BICC1: variants seen among roughly 807,000 people sequenced by gnomAD.
BICC1 encodes BicC family RNA binding protein 1.
In BICC1, 43 loss-of-function variants were observed where a neutral mutation model predicts 111.0. The ratio of observed to expected loss-of-function variants is 0.39; its 90% CI spans 0.30 to 0.50. The LOEUF (loss-of-function observed/expected upper bound fraction) is 0.50. Ranked by LOEUF, BICC1 falls within the 20% of genes least tolerant of loss-of-function variation. The pLI is 0.88. For synonymous variants in BICC1, 467 were observed against 434.4 expected (o/e 1.07, Z -0.93); for missense variants, 1,091 against 1,203.2 (o/e 0.91, Z 1.38).
chr10:58,591,804 A>G (rs7075265), intron 1 of BICC1, among the ~76,000 whole-genome samples: 115,622 of 152,156 alleles, frequency 0.76, 44,552 homozygotes, highest in East Asian at 0.98. Flanking sequence ...TCAGCTTTTT[A>G]TAATTTACAT....
intron 1 of BICC1, among the ~76,000 whole-genome samples, chr10:58,551,872 T>TA (rs1167704292): frequency 6.6e-6 from 1 of 152,092 alleles, no homozygotes; most frequent in East Asian, 1.9e-4. Context: ...AGGAAAGTAA[T>TA]ACAGATGTTT....
At chr10:58,637,033 T>G (rs1837973294) in intron 2 of BICC1, among the ~76,000 whole-genome samples, 2 of 152,192 alleles carry the variant, frequency 1.3e-5, no homozygotes, top group Non-Finnish European at 2.9e-5. Flanking sequence ...CACACAGTTC[T>G]ATAATATTTT....
intron 3 of BICC1, chr10:58,715,612 G>A: frequency 1.2e-6 from 2 of 1,605,494 alleles, no homozygotes; most frequent in South Asian, 2.2e-5. Context: ...GCGAGATCAA[G>A]GGGTCCAATC....
At chr10:58,590,621 A>G (rs1003919880) in intron 1 of BICC1, among the ~76,000 whole-genome samples, 4 of 152,154 alleles carry the variant, frequency 2.6e-5, no homozygotes, top group African/African-American at 9.7e-5. Flanking sequence ...TTTATTTGAA[A>G]GACAGAAGCT....
chr10:58,820,997 A>G lies in BICC1; in HGVS notation c.2794+529A>G, dbSNP rs577716440. ...AGGACATAGTATCCTGAAGATAGTCACAGAATGAAGGAAAATAATGTCTGT... is the reference window on the plus strand; with the variant it reads ...AGGACATAGTATCCTGAAGATAGTCGCAGAATGAAGGAAAATAATGTCTGT... On this transcript the variant is annotated intron_variant, in intron 20 of 20. Coordinates refer to ENST00000373886, the MANE Select transcript of BICC1 (RefSeq NM_001080512.3). Among the ~76,000 whole-genome samples the G allele has an allele frequency of 7.2e-5, 11 of 152,248 alleles. No homozygotes were observed. The South Asian group carries it at 2.3e-3, about 32-fold the overall frequency.
chr10:58,573,499 A>G (rs939524987), intron 1 of BICC1, among the ~76,000 whole-genome samples: 5 of 152,140 alleles, frequency 3.3e-5, no homozygotes, highest in African/African-American at 1.2e-4. Flanking sequence ...AACCAATTTG[A>G]TGGATTATAA....
At chr10:58,643,586 A>C (rs1003781263) in intron 2 of BICC1, among the ~76,000 whole-genome samples, 1 of 152,244 alleles carries the variant, frequency 6.6e-6, no homozygotes, top group African/African-American at 2.4e-5. Context: ...AAGGGGTTTG[A>C]AGTGGCTTAA....
At chr10:58,617,115 A>C (rs751521006) in intron 1 of BICC1, among the ~76,000 whole-genome samples, 4 of 152,250 alleles carry the variant, frequency 2.6e-5, no homozygotes, top group Non-Finnish European at 5.9e-5. Context: ...TTTGGTCCCA[A>C]CTGTGGAAAG....
chr10:58,584,755 T>C lies in BICC1; in HGVS notation c.191-36100T>C, dbSNP rs1289427911. ...TGAAACTAGGAAACACCTGGGTAAA[T>C]TGGGATGAGTTCATTAGTGTATTGC... is the stretch of plus-strand genomic sequence containing the variant. On this transcript the variant is annotated intron_variant, in intron 1 of 20. Coordinates refer to ENST00000373886, the MANE Select transcript of BICC1 (RefSeq NM_001080512.3). 8.5e-5 allele frequency among the ~76,000 whole-genome samples: 13 copies of C among 152,068 alleles called. No homozygotes were observed. In the East Asian group the frequency reaches 1.7e-3, roughly 20 times the overall value.
chr10:58,599,909 C>T (rs1439434121), intron 1 of BICC1, among the ~76,000 whole-genome samples: 1 of 144,346 alleles, frequency 6.9e-6, no homozygotes, highest in Non-Finnish European at 1.5e-5. Flanking sequence ...AATTGTCTTT[C>T]ACAAAATCTA....
intron 2 of BICC1, among the ~76,000 whole-genome samples, chr10:58,646,970 G>GA (rs1308637942): frequency 6.6e-6 from 1 of 151,724 alleles, no homozygotes. Flanking sequence ...CTTATAGAAA[G>GA]AAAAAAATTA....
chr10:58,761,080 A>G (rs1730535739), intron 3 of BICC1, among the ~76,000 whole-genome samples: 1 of 151,906 alleles, frequency 6.6e-6, no homozygotes, highest in East Asian at 1.9e-4. Context: ...CTGGTCTTGA[A>G]CTCCTGGACT....
intron 3 of BICC1, among the ~76,000 whole-genome samples, chr10:58,764,083 T>A (rs371371545): frequency 6.6e-6 from 1 of 152,136 alleles, no homozygotes; most frequent in East Asian, 1.9e-4. Context: ...TACTTACACT[T>A]AAAATGAAAT....
chr10:58,818,511 T>C (rs1844165019), intron 19 of BICC1, among the ~76,000 whole-genome samples: 1 of 152,196 alleles, frequency 6.6e-6, no homozygotes, highest in Non-Finnish European at 1.5e-5. Flanking sequence ...ATTTAGTCAG[T>C]AATTTCTAGG....
intron 1 of BICC1, among the ~76,000 whole-genome samples, chr10:58,556,524 G>T (rs1044393919): frequency 5.9e-5 from 9 of 152,030 alleles, no homozygotes; most frequent in African/African-American, 1.2e-4. Flanking sequence ...GCCAGATTTT[G>T]CCCTTAAAAG....
In BICC1 at chr10:58,546,795, A is replaced by C. The variant is rs759060984; in HGVS notation, c.190+33462A>C. On this transcript the variant is annotated intron_variant, in intron 1 of 20. Coordinates refer to ENST00000373886, the MANE Select transcript of BICC1 (RefSeq NM_001080512.3). ...AATACTTAAGAAAAAAATCAATATT[A>C]AAGTATCAGTTTTGCAATCCAGAGG... Among the ~76,000 whole-genome samples, 7 of 152,228 alleles carry C rather than the reference A, an allele frequency of 4.6e-5. No homozygotes were observed. In the South Asian group the frequency reaches 1.4e-3, roughly 31 times the overall value.
intron 1 of BICC1, among the ~76,000 whole-genome samples, chr10:58,575,177 C>T (rs1416138149): frequency 2.6e-5 from 4 of 152,030 alleles, no homozygotes; most frequent in African/African-American, 9.7e-5. Flanking sequence ...GCTCTTCCCT[C>T]CTGTTGTCCC....
chr10:58,725,093 C>T lies in BICC1; in HGVS notation c.307+22950C>T, dbSNP rs554716837. ...TGATTTTGGGAGACTTTTATCTAGA[C>T]ATTTCTGCCTTGTTTAACGTGTGGC... is the stretch of plus-strand genomic sequence containing the variant. On this transcript the variant is annotated intron_variant, in intron 3 of 20. Coordinates refer to ENST00000373886, the MANE Select transcript of BICC1 (RefSeq NM_001080512.3). Among the ~76,000 whole-genome samples, 69 of 152,276 alleles carry T rather than the reference C, an allele frequency of 4.5e-4. 1 individual carries two copies. The South Asian group carries it at 0.013, about 30-fold the overall frequency.
At chr10:58,532,057 A>C (rs1842695047) in intron 1 of BICC1, among the ~76,000 whole-genome samples, 1 of 151,840 alleles carries the variant, frequency 6.6e-6, no homozygotes, top group Admixed American at 6.6e-5. Context: ...AAGGAAATAG[A>C]TATCCAAATA....
Sources: gnomAD v4.1 joint callset for allele counts (sites outside exome capture counted in the v4.1 genomes callset) on GRCh38, gnomAD v4.1.1 for gene constraint, MANE v1.5 for transcripts, NCBI Gene and HGNC (gene_info 2026-07-23, HGNC 2026-07-21) for gene names.